Variants in TRMT2B observed in about 807,000 individuals in gnomAD.
TRMT2B encodes tRNA methyltransferase 2B.
In TRMT2B, 34 loss-of-function variants were observed where a neutral mutation model predicts 39.7. That is an observed-to-expected ratio of 0.86 (90% CI 0.65 to 1.14). The LOEUF is 1.14. TRMT2B is among the 50% of genes most tolerant of loss of function. The pLI is 0.00. For synonymous variants in TRMT2B, 132 were observed against 137.3 expected (o/e 0.96, Z 0.27); for missense variants, 318 against 377.2 (o/e 0.84, Z 1.30).
chrX:101,015,920 A>G (rs2086488051), intron 13 of TRMT2B, among the ~76,000 whole-genome samples: 1 of 110,642 alleles, frequency 9.0e-6, no homozygotes, highest in African/African-American at 3.3e-5. Context: ...AAACACAAAA[A>G]TTAGCCAGGC....
chrX:101,010,735 C>A (rs1170185875), intron 13 of TRMT2B, 28 bp from the exon 14 acceptor site: 1 of 1,194,261 alleles, frequency 8.4e-7, no homozygotes, highest in East Asian at 3.0e-5. Flanking sequence ...AGCATCAGTT[C>A]CCAGGAATAA....
At position 101,010,320 on chromosome X, in the gene TRMT2B, G is replaced by A. The variant is rs1366579612; in HGVS notation, c.*261C>T. ...CTAGCTACTGGGGAAGCTGAGGCAC[G>A]AGAATCACTTGAACCCGGGAGGCGG... is the stretch of plus-strand genomic sequence containing the variant. On this transcript the variant is annotated 3_prime_UTR_variant, in exon 14 of 14. Coordinates refer to ENST00000372936, the MANE Select transcript of TRMT2B (RefSeq NM_024917.6). 3 of 269,471 alleles carry A rather than the reference G, an allele frequency of 1.1e-5. No homozygotes were observed. The highest frequency in any genetic ancestry group is 1.3e-4 in the East Asian group (2 of 15,930). The allele number at this position is 269,471 out of a possible 1,213,427, so 22.2% of individuals were successfully genotyped here.
chrX:100,974,614 G>A, the TRMT2B span, among the ~76,000 whole-genome samples: 4 of 111,851 alleles, frequency 3.6e-5, no homozygotes, highest in African/African-American at 1.3e-4. Flanking sequence ...AGAGAGACAA[G>A]TGTGGGATGA....
intron 7 of TRMT2B, among the ~76,000 whole-genome samples, chrX:101,027,779 T>A: frequency 9.0e-6 from 1 of 110,804 alleles, no homozygotes; most frequent in African/African-American, 3.3e-5. Context: ...CTACTTAACA[T>A]ACCCATTCAG....
At chrX:101,037,777 T>A in intron 5 of TRMT2B, 140 bp downstream of exon 5, 1 of 641,080 alleles carries the variant, frequency 1.6e-6, no homozygotes, top group Non-Finnish European at 2.4e-6. Context: ...CAGGTTATTA[T>A]AAACAGTAAA....
At chrX:101,039,317 C>T (rs1602647643) in intron 4 of TRMT2B, among the ~76,000 whole-genome samples, 1 of 109,737 alleles carries the variant, frequency 9.1e-6, no homozygotes, top group Non-Finnish European at 1.9e-5. Flanking sequence ...ATGATCTGCC[C>T]GCCTCAGCCT....
intron 13 of TRMT2B, among the ~76,000 whole-genome samples, chrX:101,012,712 T>C (rs1479303553): frequency 1.8e-5 from 2 of 110,888 alleles, no homozygotes; most frequent in African/African-American, 6.6e-5. Flanking sequence ...CCAACAATGA[T>C]AGACTGGATT....
chrX:100,979,067 CTTA>C, the TRMT2B span, among the ~76,000 whole-genome samples: 2 of 111,685 alleles, frequency 1.8e-5, no homozygotes, highest in Admixed American at 9.5e-5. Context: ...CTATTTATAT[CTTA>C]TTATACTGTC....
intron 13 of TRMT2B, chrX:101,015,685 A>G (rs1379163281): frequency 1.5e-6 from 1 of 689,297 alleles, no homozygotes; most frequent in African/African-American, 2.3e-5. Flanking sequence ...ACTGCAAATT[A>G]TTTTCCAGTT....
chrX:101,041,610 G>A (rs1268061036), intron 3 of TRMT2B, among the ~76,000 whole-genome samples: 1 of 111,554 alleles, frequency 9.0e-6, no homozygotes, highest in East Asian at 2.8e-4. Flanking sequence ...CTTCACTGTT[G>A]GGTTTCTTTA....
intron 13 of TRMT2B, among the ~76,000 whole-genome samples, chrX:101,015,341 GGGA>G (rs1411162423): frequency 9.0e-6 from 1 of 111,561 alleles, no homozygotes; most frequent in African/African-American, 3.3e-5. Context: ...TCCATCCATA[GGGA>G]TAGCACCAAC....
Position 101,010,629 on chromosome X carries a change from C to A in TRMT2B, c.1467G>T (p.Leu489Phe), listed in dbSNP as rs753991269. The A allele has an allele frequency of 8.3e-7, 1 of 1,211,335 alleles. No individual in the cohort carries two copies. The part of the protein sequence containing the change: ...FVLQQAVPVD[L>F]FPHTPHCELV... ...GCTCACAATGTGGGGTGTGAGGGAA[C>A]AAATCCACAGGTACAGCTTGCTGCA... Residue 489 changes from leucine (L) to phenylalanine (F), a missense_variant, in exon 14 of 14, where the codon TTG (leucine) becomes TTT (phenylalanine). Transcript: ENST00000372936.
intron 7 of TRMT2B, among the ~76,000 whole-genome samples, chrX:101,026,332 C>A: frequency 9.1e-6 from 1 of 109,544 alleles, no homozygotes; most frequent in Non-Finnish European, 1.9e-5. Context: ...CAAAAATTAG[C>A]CAGGCGTGGT....
chrX:100,993,718 A>G, the TRMT2B span, among the ~76,000 whole-genome samples: 1 of 111,983 alleles, frequency 8.9e-6, no homozygotes, highest in Non-Finnish European at 1.9e-5. Flanking sequence ...ACAAAAAGTT[A>G]TTTAGATACC....
At chrX:100,991,375 T>G in the TRMT2B span, among the ~76,000 whole-genome samples, 1 of 22,462 alleles carries the variant, frequency 4.5e-5, no homozygotes, top group Non-Finnish European at 2.1e-4. Flanking sequence ...AGTGCTAAGT[T>G]TTTGTTTTGT....
Position 101,019,423 on chromosome X carries a change from A to G in TRMT2B, c.1169-20T>C, listed in dbSNP as rs1175281793. 3 of 1,207,397 alleles carry G rather than the reference A, an allele frequency of 2.5e-6. No homozygotes were observed. In the East Asian group the frequency reaches 8.9e-5, roughly 36 times the overall value. On this transcript the variant is annotated intron_variant, in intron 11 of 13. Coordinates refer to ENST00000372936, the MANE Select transcript of TRMT2B (RefSeq NM_024917.6). ...TGATGCCTATGGAAGACAGGCCCAC[A>G]GGACATAACTCAAGCCCAGCAGTAA...
chrX:100,994,443 T>A, the TRMT2B span, among the ~76,000 whole-genome samples: 1 of 111,934 alleles, frequency 8.9e-6, no homozygotes, highest in Admixed American at 9.5e-5. Flanking sequence ...TTCTATCTTA[T>A]CTTTCAGGGA....
chrX:101,030,451 A>ATTGTTTTTTTTTTTTT (rs1248355991), intron 7 of TRMT2B, among the ~76,000 whole-genome samples: 1 of 46,566 alleles, frequency 2.1e-5, no homozygotes, highest in Admixed American at 1.8e-4. Context: ...ATAGATCTGC[A>ATTGTTTTTTTTTTTTT]TTCTTTTTTT....
intron 7 of TRMT2B, among the ~76,000 whole-genome samples, chrX:101,024,680 G>A (rs775854641): frequency 7.2e-5 from 8 of 111,084 alleles, no homozygotes; most frequent in East Asian, 5.7e-4. Flanking sequence ...AAATTTAGCC[G>A]GGCATCAGGG....
Sources: allele counts gnomAD v4.1 joint callset (sites outside exome capture counted in the v4.1 genomes callset), GRCh38; gene constraint gnomAD v4.1.1; transcripts MANE v1.5; gene names NCBI Gene and HGNC (gene_info 2026-07-23, HGNC 2026-07-21).